ZNF761: variants seen among roughly 807,000 people sequenced by gnomAD.
The protein encoded by ZNF761 is zinc finger protein 761.
ZNF761 carries 43 observed loss-of-function variants against 59.9 expected under a neutral mutation model. The ratio of observed to expected loss-of-function variants is 0.72; its 90% CI spans 0.56 to 0.92. The LOEUF is 0.92. ZNF761 is among the 40% of genes least tolerant of loss of function. ZNF761 has a pLI of 0.00. For synonymous variants in ZNF761, 294 were observed against 304.8 expected (o/e 0.96, Z 0.37); for missense variants, 850 against 906.1 (o/e 0.94, Z 0.79).
chr19:53,438,108 T>A lies in ZNF761; in HGVS notation c.-185+6080T>A, dbSNP rs1440734727. On this transcript the variant is annotated intron_variant, in intron 1 of 4. Transcript: ENST00000684525. ...TTTTGACACAGTTATGGAGAAGAGC[T>A]GCCTGTTCGACTGGGAGCAGAATAG... is the stretch of plus-strand genomic sequence containing the variant. 2.7e-5 allele frequency among the ~76,000 whole-genome samples: 3 copies of A among 110,688 alleles called. 1 individual carries two copies. The highest frequency in any genetic ancestry group is 6.0e-5 in the Non-Finnish European group (3 of 50,080). The allele number at this position is 110,688 out of a possible 152,430, so 72.6% of individuals were successfully genotyped here. A position where few individuals can be genotyped will look rare whatever the true frequency, so the allele number is the denominator to read the frequency against.
chr19:53,456,167 G>C lies in ZNF761; in HGVS notation c.1660G>C (p.Glu554Gln). 7 of 1,614,056 alleles carry C rather than the reference G, an allele frequency of 4.3e-6. No homozygotes were observed. The highest frequency in any genetic ancestry group is 5.1e-6 in the Non-Finnish European group (6 of 1,179,998). ...TGGAGAGAAACCTTACAAGTGTAAG[G>C]AGTGTGGCAAGACCTTCAATCAGCA... ...HSGEKPYKCKECGKTFNQQLT... is the reference protein window; with the variant it reads ...HSGEKPYKCKQCGKTFNQQLT... The change falls in exon 5 of 5, where the codon GAG becomes CAG. Residue 554 changes from glutamate to glutamine, a missense_variant. Coordinates refer to ENST00000684525, the MANE Select transcript of ZNF761 (RefSeq NM_001289951.2).
chr19:53,442,361 C>T (rs2086109775), intron 1 of ZNF761: 2 of 1,045,702 alleles, frequency 1.9e-6, no homozygotes, highest in Admixed American at 1.7e-5. Flanking sequence ...TGGACCAGAA[C>T]CTGAAGTGTC....
intron 3 of ZNF761, among the ~76,000 whole-genome samples, chr19:53,447,930 T>G (rs1381997235): frequency 2.0e-5 from 3 of 152,198 alleles, no homozygotes; most frequent in Admixed American, 2.0e-4. Context: ...GAGACTGTGG[T>G]GTTACCGTGG....
chr19:53,437,295 G>A (rs2086052982), intron 1 of ZNF761, among the ~76,000 whole-genome samples: 1 of 148,716 alleles, frequency 6.7e-6, no homozygotes, highest in Non-Finnish European at 1.5e-5. Context: ...TCCAACCTGG[G>A]CGACAGAGCA....
chr19:53,449,282 A>G (rs189989096), intron 3 of ZNF761, among the ~76,000 whole-genome samples: 71 of 152,176 alleles, frequency 4.7e-4, no homozygotes, highest in African/African-American at 1.3e-3. Context: ...GTGAGCGCAG[A>G]CAGCACCAGT....
At position 53,455,147 on chromosome 19, in the gene ZNF761, T is replaced by C. The variant is rs746639771; in HGVS notation, c.640T>C (p.Ser214Pro). The C allele has an allele frequency of 1.2e-6, 2 of 1,614,150 alleles. No individual in the cohort carries two copies. Among genetic ancestry groups the C allele is most frequent in the Non-Finnish European group, 1.7e-6 (2 of 1,180,024 alleles). Residue 214 changes from serine (S) to proline (P), a missense_variant, in exon 5 of 5, where the codon TCT (serine) becomes CCT (proline). By Grantham distance (74) the Ser-to-Pro change is moderately conservative. Coordinates refer to ENST00000684525, the MANE Select transcript of ZNF761 (RefSeq NM_001289951.2). ...QKQEVHMREKSFQCNESGKAF... is the reference protein window; with the variant it reads ...QKQEVHMREKPFQCNESGKAF... Reference sequence around the variant, plus strand: ...ACAGGAAGTACACATGAGAGAAAAATCTTTCCAATGTAATGAGAGTGGCAA... The same window carrying C: ...ACAGGAAGTACACATGAGAGAAAAACCTTTCCAATGTAATGAGAGTGGCAA...
At chr19:53,454,095 T>C (rs1201026190) in intron 4 of ZNF761, among the ~76,000 whole-genome samples, 1 of 152,070 alleles carries the variant, frequency 6.6e-6, no homozygotes, top group Non-Finnish European at 1.5e-5. Context: ...TGCCTCAGCC[T>C]CCCGAGTAGC....
chr19:53,450,161 G>A, intron 4 of ZNF761: 1 of 218,876 alleles, frequency 4.6e-6, no homozygotes, highest in Non-Finnish European at 9.0e-6. Flanking sequence ...AAATTAGCCG[G>A]GTGTGGTGGC....
intron 1 of ZNF761, chr19:53,444,458 ACCTTT>A (rs2147130717): frequency 6.6e-6 from 1 of 152,228 alleles, no homozygotes; most frequent in South Asian, 2.1e-4. Flanking sequence ...GAGGCACAGC[ACCTTT>A]CCTTAAACTT....
chr19:53,437,615 C>G (rs2086057119), intron 1 of ZNF761, among the ~76,000 whole-genome samples: 1 of 152,138 alleles, frequency 6.6e-6, no homozygotes, highest in South Asian at 2.1e-4. Context: ...CTTTGCCTCC[C>G]TGTCTGCTTT....
Position 53,456,581 on chromosome 19 carries a change from T to C in ZNF761, c.2074T>C (p.Cys692Arg). The change falls in exon 5 of 5, where the codon TGT becomes CGT. Residue 692 changes from cysteine to arginine, a missense_variant. By Grantham distance (180) the Cys-to-Arg change is radical. Transcript: ENST00000684525. ...TCATACTGGAGAGAAACCTTATAAG[T>C]GTAATGAGTGTGGCAAGAACTTTAG... The part of the protein sequence containing the change: ...RLHTGEKPYK[C>R]NECGKNFSQK... 3 of 1,612,894 alleles carry C rather than the reference T, an allele frequency of 1.9e-6. 1 individual carries two copies. The highest frequency in any genetic ancestry group is 2.2e-5 in the South Asian group (2 of 90,994).
chr19:53,453,824 C>T (rs1404051823), intron 4 of ZNF761, among the ~76,000 whole-genome samples: 1 of 151,956 alleles, frequency 6.6e-6, no homozygotes, highest in South Asian at 2.1e-4. Flanking sequence ...TGCAGTGAGC[C>T]GAGATCAGGC....
chr19:53,447,303 G>A lies in ZNF761; in HGVS notation c.15+20G>A. ...TCTCAGGTGAGATGATATTTTCAGT[G>A]GATTGTTCTGTCTCCTTCCTTTCAG... On this transcript the variant is annotated intron_variant, in intron 3 of 4. Coordinates refer to ENST00000684525, the MANE Select transcript of ZNF761 (RefSeq NM_001289951.2). 6.2e-7 allele frequency: 1 copy of A among 1,612,896 alleles called. No individual in the cohort carries two copies. The highest frequency in any genetic ancestry group is 8.5e-7 in the Non-Finnish European group (1 of 1,179,324).
At chr19:53,439,804 T>C (rs370065958) in intron 1 of ZNF761, among the ~76,000 whole-genome samples, 14 of 152,286 alleles carry the variant, frequency 9.2e-5, no homozygotes, top group African/African-American at 3.4e-4. Context: ...CTTATGTTTA[T>C]AGAGCCGTTC....
chr19:53,433,224 A>T (rs2085995281), intron 1 of ZNF761, among the ~76,000 whole-genome samples: 1 of 152,132 alleles, frequency 6.6e-6, no homozygotes. Context: ...ACAAAGACGG[A>T]GTGGGGTTTT....
chr19:53,458,169 G>C lies in ZNF761; in HGVS notation c.*1421G>C, dbSNP rs2086287869. 1 of 157,560 alleles carries C rather than the reference G, an allele frequency of 6.3e-6. No individual in the cohort carries two copies. The allele number at this position is 157,560 out of a possible 1,614,324, so 9.8% of individuals were successfully genotyped here. ...GCAAATCCACTGACTATGTTACTTA[G>C]TTCCAGTAGTATTTTGGTTGGCTCT... On this transcript the variant is annotated 3_prime_UTR_variant, in exon 5 of 5. Coordinates refer to ENST00000684525, the MANE Select transcript of ZNF761 (RefSeq NM_001289951.2).
Position 53,455,095 on chromosome 19 carries a change from C to G in ZNF761, c.588C>G (p.Phe196Leu). The G allele has an allele frequency of 1.9e-6, 3 of 1,614,164 alleles. No individual in the cohort carries two copies. The highest frequency in any genetic ancestry group is 1.6e-4 in the Middle Eastern group (1 of 6,062). ...TATCTAATAACCATGGGAATAATTT[C>G]TGGAATTCTTCATTACTCACACAAA... Reference protein sequence around the residue: ...THISNNHGNNFWNSSLLTQKQ... With the variant: ...THISNNHGNNLWNSSLLTQKQ... Residue 196 changes from phenylalanine to leucine, a missense_variant, in exon 5 of 5, where the codon TTC (phenylalanine) becomes TTG (leucine). Physicochemically the swap from Phe to Leu is conservative, Grantham distance 22. Coordinates refer to ENST00000684525, the MANE Select transcript of ZNF761 (RefSeq NM_001289951.2).
intron 2 of ZNF761, among the ~76,000 whole-genome samples, chr19:53,446,698 A>G (rs545463460): frequency 6.6e-6 from 1 of 151,752 alleles, no homozygotes; most frequent in Non-Finnish European, 1.5e-5. Flanking sequence ...TCGTAGAGAC[A>G]GGGTTTCACA....
At chr19:53,442,042 A>C in intron 1 of ZNF761, 1 of 887,280 alleles carries the variant, frequency 1.1e-6, no homozygotes, top group Non-Finnish European at 1.8e-6. Context: ...AGCTGGTTGA[A>C]GAGGAGCTGG....
Sources: allele counts gnomAD v4.1 joint callset (sites outside exome capture counted in the v4.1 genomes callset), GRCh38; gene constraint gnomAD v4.1.1; transcripts MANE v1.5; gene names NCBI Gene and HGNC (gene_info 2026-07-23, HGNC 2026-07-21).